COL4A3: variants seen among roughly 807,000 people sequenced by gnomAD.
COL4A3 encodes collagen type IV alpha 3 chain.
Under a neutral mutation model 217.4 loss-of-function variants are expected in COL4A3, and 135 were observed. That is an observed-to-expected ratio of 0.62 (90% CI 0.54 to 0.72). The LOEUF (loss-of-function observed/expected upper bound fraction) is 0.72. COL4A3 is among the 30% of genes least tolerant of loss of function. The pLI is 0.00. For synonymous variants in COL4A3, 690 were observed against 736.3 expected (o/e 0.94, Z 1.02); for missense variants, 1,868 against 2,119.9 (o/e 0.88, Z 2.33).
chr2:227,274,105 C>T (rs1406135620), intron 26 of COL4A3, among the ~76,000 whole-genome samples: 1 of 152,040 alleles, frequency 6.6e-6, no homozygotes, highest in East Asian at 1.9e-4. Flanking sequence ...AGCATGGTGG[C>T]ACATACCCAC....
chr2:227,206,398 G>A (rs1428662502), intron 1 of COL4A3, among the ~76,000 whole-genome samples: 1 of 152,136 alleles, frequency 6.6e-6, no homozygotes, highest in African/African-American at 2.4e-5. Context: ...AATGTGCAAG[G>A]AGGTTCTCGG....
intron 31 of COL4A3, 57 bp downstream of exon 31, chr2:227,281,063 C>A: frequency 9.4e-7 from 1 of 1,069,064 alleles, no homozygotes; most frequent in Non-Finnish European, 1.4e-6. Context: ...GAGACTCCTG[C>A]TCTGTGCTTT....
At position 227,164,754 on chromosome 2, in the gene COL4A3, C is replaced by T. The variant is rs1453590085; in HGVS notation, c.28C>T (p.Gln10Ter). Residue 10 changes from glutamine (Q) to a stop codon, truncating the protein, a stop_gained, in exon 1 of 52, where the codon CAG (glutamine) becomes TAG (stop). Transcript: ENST00000396578. LOFTEE classifies it high-confidence loss of function. The surrounding 1 kb of genome is among the most constrained non-coding windows in gnomAD (Gnocchi z 4.8). MSARTAPRPQVLLLPLLLVL... is the reference protein window; with the variant it reads MSARTAPRP ...GAGCGCCCGGACCGCCCCCAGGCCG[C>T]AGGTGCTCCTGCTGCCGCTCCTGCT... is the stretch of plus-strand genomic sequence containing the variant. 2.6e-6 allele frequency: 4 copies of T among 1,526,090 alleles called. No homozygotes were observed. The highest frequency in any genetic ancestry group is 2.5e-5 in the East Asian group (1 of 39,946). 94.5% of individuals were successfully genotyped at this position (1,526,090 alleles called of 1,614,324 possible). A position where few individuals can be genotyped will look rare whatever the true frequency, so the allele number is the denominator to read the frequency against.
Position 227,297,709 on chromosome 2 carries a change from G to A in COL4A3, c.3601G>A (p.Gly1201Ser). ...AGACAGGGGAGCCCCAGGTTTTCCT[G>A]GCCTCCCGGGCAGAAAAGGGGCCAT... Reference protein sequence around the residue: ...KGDRGAPGFPGLPGRKGAMGD... With the variant: ...KGDRGAPGFPSLPGRKGAMGD... The change falls in exon 42 of 52, where the codon GGC (glycine) becomes AGC (serine). Residue 1201 changes from glycine (G) to serine (S), a missense_variant. Transcript: ENST00000396578. 6.2e-7 allele frequency: 1 copy of A among 1,608,742 alleles called. No individual in the cohort carries two copies. Among genetic ancestry groups the A allele is most frequent in the Non-Finnish European group, 8.5e-7 (1 of 1,178,206 alleles).
chr2:227,168,248 A>T (rs996449064), intron 1 of COL4A3, among the ~76,000 whole-genome samples: 1 of 152,238 alleles, frequency 6.6e-6, no homozygotes, highest in African/African-American at 2.4e-5. Flanking sequence ...AACAAATTTA[A>T]ATATATTAGG....
intron 1 of COL4A3, among the ~76,000 whole-genome samples, chr2:227,231,566 G>A (rs990912601): frequency 2.0e-5 from 3 of 152,026 alleles, no homozygotes; most frequent in African/African-American, 7.2e-5. Context: ...TGTTGCCCAG[G>A]CTGGAGTGCA....
intron 1 of COL4A3, among the ~76,000 whole-genome samples, chr2:227,170,378 A>G (rs2065433857): frequency 6.6e-6 from 1 of 152,076 alleles, no homozygotes; most frequent in Non-Finnish European, 1.5e-5. Context: ...AAGACTCGAT[A>G]ATTTATGAAG....
chr2:227,226,232 G>A (rs933533549), intron 1 of COL4A3, among the ~76,000 whole-genome samples: 16 of 152,146 alleles, frequency 1.1e-4, no homozygotes, highest in Non-Finnish European at 2.2e-4. Flanking sequence ...ATTGCCCTGT[G>A]AAGTTCAAAA....
intron 1 of COL4A3, among the ~76,000 whole-genome samples, chr2:227,228,825 G>A (rs2068236207): frequency 6.6e-6 from 1 of 152,170 alleles, no homozygotes; most frequent in African/African-American, 2.4e-5. Flanking sequence ...AAGGAATTGT[G>A]AGACACCGTT....
Position 227,297,717 on chromosome 2 carries a change from G to A in COL4A3, c.3609G>A (p.Pro1203=), listed in dbSNP as rs1045022382. The A allele has an allele frequency of 1.5e-5, 24 of 1,608,178 alleles. No individual in the cohort carries two copies. In the Middle Eastern group the frequency reaches 5.0e-4, roughly 33 times the overall value. Residue 1203 remains proline, a synonymous_variant, in exon 42 of 52, where the codon CCG becomes CCA. Transcript: ENST00000396578. ...GAGCCCCAGGTTTTCCTGGCCTCCC[G>A]GGCAGAAAAGGGGCCATGGGAGATG... ...DRGAPGFPGL[P]GRKGAMGDAG... is the part of the protein sequence containing the mutation.
intron 15 of COL4A3, among the ~76,000 whole-genome samples, chr2:227,254,952 T>C (rs752535005): frequency 3.9e-5 from 6 of 152,330 alleles, no homozygotes; most frequent in Non-Finnish European, 5.9e-5. Context: ...ATCTCACTTC[T>C]GCTTCTCTCT....
At chr2:227,168,427 T>G (rs184232665) in intron 1 of COL4A3, among the ~76,000 whole-genome samples, 105 of 152,360 alleles carry the variant, frequency 6.9e-4, no homozygotes, top group Non-Finnish European at 6.5e-4. Flanking sequence ...GCCCTTTATA[T>G]TTCCTTCAGT....
intron 1 of COL4A3, among the ~76,000 whole-genome samples, chr2:227,201,163 C>G (rs2066671228): frequency 6.6e-6 from 1 of 152,018 alleles, no homozygotes; most frequent in Non-Finnish European, 1.5e-5. Context: ...AAGAAAGAAT[C>G]AAGATAGTAA....
chr2:227,183,060 T>A (rs140644685), intron 1 of COL4A3, among the ~76,000 whole-genome samples: 19 of 152,350 alleles, frequency 1.2e-4, no homozygotes, highest in African/African-American at 4.3e-4. Flanking sequence ...GCTTTTTCAA[T>A]TGGATAAATC....
At chr2:227,247,667 T>G (rs2069433391) in intron 8 of COL4A3, 83 bp downstream of exon 8, 1 of 1,313,502 alleles carries the variant, frequency 7.6e-7, no homozygotes, top group Non-Finnish European at 1.1e-6. Flanking sequence ...GAGACTTAAG[T>G]CATTACAAAT....
intron 47 of COL4A3, among the ~76,000 whole-genome samples, chr2:227,306,959 A>G (rs2073530395): frequency 6.6e-6 from 1 of 152,194 alleles, no homozygotes; most frequent in Non-Finnish European, 1.5e-5. Context: ...TAGCCGTTCA[A>G]TGAAAGAAAG....
Position 227,277,510 on chromosome 2 carries a change from A to C in COL4A3, c.2082A>C (p.Pro694=). Residue 694 remains proline, a synonymous_variant, in exon 28 of 52, where the codon CCA becomes CCC. Coordinates refer to ENST00000396578, the MANE Select transcript of COL4A3 (RefSeq NM_000091.5). ...GTCTTCCAGGGCCTGATGGTGAACCAGGAATTCCAGGAATTGGATTTCCTG... is the reference window on the plus strand; with the variant it reads ...GTCTTCCAGGGCCTGATGGTGAACCCGGAATTCCAGGAATTGGATTTCCTG... ...DPGLPGPDGE[P]GIPGIGFPGP... is the part of the protein sequence containing the mutation. 6.2e-7 allele frequency: 1 copy of C among 1,612,700 alleles called. No homozygotes were observed. The highest frequency in any genetic ancestry group is 1.1e-5 in the South Asian group (1 of 90,296).
chr2:227,193,813 G>A (rs1044887252), intron 1 of COL4A3, among the ~76,000 whole-genome samples: 1 of 69,348 alleles, frequency 1.4e-5, no homozygotes, highest in African/African-American at 6.0e-5. Flanking sequence ...GAGGGAGGGA[G>A]GGAAGGAAAG....
chr2:227,293,032 G>A (rs1326928602), intron 37 of COL4A3, 159 bp from the exon 38 acceptor site: 2 of 440,710 alleles, frequency 4.5e-6, no homozygotes, highest in Non-Finnish European at 6.0e-6. Flanking sequence ...TAAACCATGT[G>A]GCCGTCTTAT....
Sources: gnomAD v4.1 joint callset for allele counts (sites outside exome capture counted in the v4.1 genomes callset) on GRCh38, gnomAD v4.1.1 for gene constraint, Gnocchi (gnomAD v3.1) non-coding constraint, MANE v1.5 for transcripts, NCBI Gene and HGNC (gene_info 2026-07-23, HGNC 2026-07-21) for gene names.